HEATR4: variants seen among roughly 807,000 people sequenced by gnomAD.
The protein encoded by HEATR4 is HEAT repeat containing 4.
Under a neutral mutation model 108.8 loss-of-function variants are expected in HEATR4, and 95 were observed. The ratio of observed to expected loss-of-function variants is 0.87; its 90% CI spans 0.74 to 1.04. The LOEUF (loss-of-function observed/expected upper bound fraction) is 1.04. HEATR4 is among the 50% of genes least tolerant of loss of function. The probability of loss-of-function intolerance (pLI) is 0.00; values close to 1 mark genes in which losing one functional copy is unlikely to be tolerated. For missense variants in HEATR4, 1,152 were observed against 1,253.8 expected (o/e 0.92, Z 1.23); for synonymous variants, 443 against 459.4 (o/e 0.96, Z 0.46).
chr14:73,587,977 C>A, the HEATR4 span, among the ~76,000 whole-genome samples: 1 of 152,030 alleles, frequency 6.6e-6, no homozygotes, highest in African/African-American at 2.4e-5. Context: ...ATCATAACTC[C>A]TATTAGACCC....
the HEATR4 span, chr14:73,592,343 C>G: frequency 6.3e-7 from 1 of 1,598,524 alleles, no homozygotes; most frequent in Non-Finnish European, 8.5e-7. Flanking sequence ...ACGAGCGCCA[C>G]TTCCTCCCGC....
At chr14:73,625,177 G>T in the HEATR4 span, among the ~76,000 whole-genome samples, 9 of 152,006 alleles carry the variant, frequency 5.9e-5, no homozygotes, top group East Asian at 1.2e-3. Flanking sequence ...TCCTGCCTCA[G>T]CCTCCTGAAT....
In HEATR4 at chr14:73,542,403, C is replaced by CTTTTT. The variant is rs57839054; in HGVS notation, c.-151-12164_-151-12160dup. ...TTAAATTCCAGTATGTTTTTTCTTT[C>CTTTTT]TTTTTTTTTTTTTTTTTTTAAGACG... On this transcript the variant is annotated intron_variant, in intron 1 of 17. Coordinates refer to ENST00000553558, the MANE Select transcript of HEATR4 (RefSeq NM_001220484.1). 3.2e-3 allele frequency among the ~76,000 whole-genome samples: 267 copies of CTTTTT among 83,442 alleles called. 39 individuals carry two copies. Among genetic ancestry groups the CTTTTT allele is most frequent in the African/African-American group, 0.011 (261 of 24,586 alleles). 54.7% of individuals were successfully genotyped at this position (83,442 alleles called of 152,430 possible). A position where few individuals can be genotyped will look rare whatever the true frequency, so the allele number is the denominator to read the frequency against.
the HEATR4 span, chr14:73,582,482 G>C: frequency 2.6e-5 from 4 of 151,496 alleles, no homozygotes; most frequent in African/African-American, 9.8e-5. Context: ...AACACAGTGA[G>C]CCTCAGCATT....
chr14:73,592,800 C>T, the HEATR4 span, among the ~76,000 whole-genome samples: 11 of 152,150 alleles, frequency 7.2e-5, no homozygotes, highest in Non-Finnish European at 1.5e-4. Context: ...TTGCAGTGAG[C>T]CGAGATCGCA....
At chr14:73,612,771 C>T in the HEATR4 span, 1 of 1,368,110 alleles carries the variant, frequency 7.3e-7, no homozygotes, top group Non-Finnish European at 9.4e-7. Flanking sequence ...CGCGCGCCCG[C>T]GCTGGGAGGC....
rs764291158 is a variant in HEATR4, at chr14:73,478,711, T to C, written c.2976A>G (p.Pro992=). ...AAAGAGCTGGGTAGTCGGATCTAAATGGTCCCACAGCAATCCTTTTCTCGG... is the reference window on the plus strand; with the variant it reads ...AAAGAGCTGGGTAGTCGGATCTAAACGGTCCCACAGCAATCCTTTTCTCGG... ...TSPEKRIAVG[P]FRSDYPALYL... The change falls in exon 18 of 18, where the codon CCA becomes CCG. Residue 992 remains proline (P), a synonymous_variant. Coordinates refer to ENST00000553558, the MANE Select transcript of HEATR4 (RefSeq NM_001220484.1). 1 of 1,613,922 alleles carries C rather than the reference T, an allele frequency of 6.2e-7. No homozygotes were observed. The highest frequency in any genetic ancestry group is 1.1e-5 in the South Asian group (1 of 91,042).
intron 5 of HEATR4, among the ~76,000 whole-genome samples, chr14:73,518,404 C>CA (rs1193340188): frequency 1.4e-4 from 19 of 132,584 alleles, no homozygotes; most frequent in Middle Eastern, 3.9e-3. Context: ...ACTCTGTCTC[C>CA]AAAAAAAGAA....
the HEATR4 span, among the ~76,000 whole-genome samples, chr14:73,590,046 T>G: frequency 2.0e-4 from 31 of 152,192 alleles, no homozygotes; most frequent in Non-Finnish European, 3.8e-4. Context: ...CTGAGCTACC[T>G]TTATTACAAA....
At chr14:73,628,067 C>T in the HEATR4 span, among the ~76,000 whole-genome samples, 2 of 152,176 alleles carry the variant, frequency 1.3e-5, no homozygotes, top group Non-Finnish European at 2.9e-5. Flanking sequence ...CCTTGGCCTC[C>T]CAAAGTGCTG....
intron 3 of HEATR4, 78 bp from the exon 4 acceptor site, chr14:73,521,117 G>C: frequency 1.6e-6 from 2 of 1,275,566 alleles, no homozygotes; most frequent in Non-Finnish European, 2.2e-6. Context: ...TCCACAGCTC[G>C]TTCCCTTTCC....
chr14:73,523,145 C>T lies in HEATR4; in HGVS notation c.8G>A (p.Arg3Lys). 7 of 1,590,654 alleles carry T rather than the reference C, an allele frequency of 4.4e-6. No homozygotes were observed. The highest frequency in any genetic ancestry group is 6.0e-6 in the Non-Finnish European group (7 of 1,174,356). Residue 3 changes from arginine (R) to lysine (K), a missense_variant, in exon 3 of 18, where the codon AGG becomes AAG. By Grantham distance (26) the Arg-to-Lys change is conservative. Transcript: ENST00000553558. ...GAGAAAGGTCTTTCCCTTCTGGGTC[C>T]TGGTCATACCGCGTCCCAGCAAATG... Reference protein sequence around the residue: MTRTQKGKTFLPH... With the variant: MTKTQKGKTFLPH...
Position 73,509,375 on chromosome 14 carries a change from G to T in HEATR4, c.1657C>A (p.Gln553Lys). Reference sequence around the variant, plus strand: ...GGATTATGTGACTGTATGGCATATTGGCATATTGCTGCTGCCATCCGCACA... The same window carrying T: ...GGATTATGTGACTGTATGGCATATTTGCATATTGCTGCTGCCATCCGCACA... ...AHVRMAAAIC[Q>K]YAIQSHNPLA... Residue 553 changes from glutamine to lysine, a missense_variant, in exon 8 of 18, where the codon CAA (glutamine) becomes AAA (lysine). Gln to Lys is a moderately conservative substitution (Grantham distance 53). Transcript: ENST00000553558. 1 of 1,614,056 alleles carries T rather than the reference G, an allele frequency of 6.2e-7. No homozygotes were observed. The highest frequency in any genetic ancestry group is 8.5e-7 in the Non-Finnish European group (1 of 1,180,006).
At chr14:73,509,204 T>A in intron 8 of HEATR4, 108 bp downstream of exon 8, 1 of 1,093,686 alleles carries the variant, frequency 9.1e-7, no homozygotes, top group Non-Finnish European at 1.4e-6. Flanking sequence ...CTAAACCCAA[T>A]ACAGCAGACA....
chr14:73,518,952 A>C lies in HEATR4; in HGVS notation c.1210+71T>G. ...GAACTGGGAGCTCTAGCACATGAAT[A>C]GTGGGTAATGATGGGAAGTAGCCAC... is the stretch of plus-strand genomic sequence containing the variant. On this transcript the variant is annotated intron_variant, in intron 5 of 17. Coordinates refer to ENST00000553558, the MANE Select transcript of HEATR4 (RefSeq NM_001220484.1). The C allele has an allele frequency of 2.7e-6, 4 of 1,477,122 alleles. No homozygotes were observed. The East Asian group carries it at 9.2e-5, about 34-fold the overall frequency. The allele number at this position is 1,477,122 out of a possible 1,614,324, so 91.5% of individuals were successfully genotyped here.
the HEATR4 span, among the ~76,000 whole-genome samples, chr14:73,576,754 C>T: frequency 7.0e-5 from 8 of 115,024 alleles, no homozygotes; most frequent in Non-Finnish European, 9.9e-5. Flanking sequence ...TGAGATCGTG[C>T]TACTGTGCTC....
At chr14:73,489,465 A>C (rs946777556) in intron 17 of HEATR4, among the ~76,000 whole-genome samples, 2 of 152,208 alleles carry the variant, frequency 1.3e-5, no homozygotes, top group African/African-American at 4.8e-5. Context: ...TAATATGCTT[A>C]TCATTGCTTG....
the HEATR4 span, chr14:73,595,101 G>T: frequency 6.8e-6 from 11 of 1,614,108 alleles, no homozygotes; most frequent in Non-Finnish European, 9.3e-6. Flanking sequence ...GCTGATATTT[G>T]TCTCTCAATG....
Position 73,544,841 on chromosome 14 carries a change from C to T in HEATR4, c.-152+13910G>A, listed in dbSNP as rs1276953237. 1.8e-5 allele frequency among the ~76,000 whole-genome samples: 2 copies of T among 110,954 alleles called. 1 individual carries two copies. The highest frequency in any genetic ancestry group is 3.9e-5 in the Non-Finnish European group (2 of 51,272). The allele number at this position is 110,954 out of a possible 152,430, so 72.8% of individuals were successfully genotyped here. A position where few individuals can be genotyped will look rare whatever the true frequency, so the allele number is the denominator to read the frequency against. Reference sequence around the variant, plus strand: ...TACTGGGGAGGCTGAGGTGGGAGAACTGCTTGAGCCCTGGAGGCAGAGGTT... The same window carrying T: ...TACTGGGGAGGCTGAGGTGGGAGAATTGCTTGAGCCCTGGAGGCAGAGGTT... On this transcript the variant is annotated intron_variant, in intron 1 of 17. Coordinates refer to ENST00000553558, the MANE Select transcript of HEATR4 (RefSeq NM_001220484.1).
Sources: allele counts gnomAD v4.1 joint callset (sites outside exome capture counted in the v4.1 genomes callset), GRCh38; gene constraint gnomAD v4.1.1; transcripts MANE v1.5; gene names NCBI Gene and HGNC (gene_info 2026-07-23, HGNC 2026-07-21).